The following PTAFR variants were observed in gnomAD, a reference collection of about 807,000 sequenced individuals.
PTAFR encodes platelet activating factor receptor.
A neutral mutation model predicts 14.7 loss-of-function variants in PTAFR; 8 were observed. The observed-to-expected ratio is 0.54, with a 90% CI of 0.32 to 0.98. PTAFR has a LOEUF of 0.98. Among genes scored for constraint, PTAFR ranks in the 50% least tolerant of loss-of-function variants. The pLI, the probability that PTAFR is intolerant of heterozygous loss-of-function variation, is 0.04. For missense variants in PTAFR, 337 were observed against 451.2 expected, an observed-to-expected ratio of 0.75 and a Z score of 2.29; for synonymous variants, 156 against 176.5, an observed-to-expected ratio of 0.88 and a Z score of 0.92.
upstream of PTAFR, among the ~76,000 whole-genome samples, chr1:28,180,669 G>A (rs1395599875): frequency 6.6e-6 from 1 of 152,110 alleles, no homozygotes; most frequent in Non-Finnish European, 1.5e-5. Context: ...AGACATACCT[G>A]AGAAAATCAC....
chr1:28,191,836 C>A (rs376032043), intron 1 of PTAFR, among the ~76,000 whole-genome samples: 2 of 151,136 alleles, frequency 1.3e-5, no homozygotes, highest in Admixed American at 1.3e-4. Context: ...GAAGCCAAGG[C>A]GAGAGGATCG....
intron 1 of PTAFR, among the ~76,000 whole-genome samples, chr1:28,160,678 A>G (rs1328770496): frequency 6.6e-6 from 1 of 151,892 alleles, no homozygotes; most frequent in Non-Finnish European, 1.5e-5. Flanking sequence ...ACTTGGGTCT[A>G]TCTGACTTCA....
At chr1:28,158,458 G>A (rs944450217) in intron 1 of PTAFR, among the ~76,000 whole-genome samples, 3 of 152,194 alleles carry the variant, frequency 2.0e-5, no homozygotes, top group Admixed American at 6.5e-5. Context: ...CCAGCACTTC[G>A]GGAGGCCGAA....
chr1:28,166,495 A>G (rs1366482939), intron 1 of PTAFR, among the ~76,000 whole-genome samples: 1 of 152,078 alleles, frequency 6.6e-6, no homozygotes, highest in African/African-American at 2.4e-5. Flanking sequence ...AACATGGTGA[A>G]ATCCCGTCTC....
At chr1:28,155,101 C>A (rs1180347973) in intron 1 of PTAFR, among the ~76,000 whole-genome samples, 2 of 152,168 alleles carry the variant, frequency 1.3e-5, no homozygotes, top group East Asian at 3.9e-4. Flanking sequence ...AACGGACTTC[C>A]CAGGCGGACC....
chr1:28,192,092 A>AC (rs1219639090), intron 1 of PTAFR, among the ~76,000 whole-genome samples: 30 of 150,800 alleles, frequency 2.0e-4, no homozygotes, highest in African/African-American at 5.7e-4. Context: ...ATAGTAAAAC[A>AC]TTTAAAAAAA....
At chr1:28,178,804 TTCC>T (rs565694088), upstream of PTAFR, among the ~76,000 whole-genome samples, 334 of 152,126 alleles carry the variant, frequency 2.2e-3, 1 homozygote, top group African/African-American at 7.8e-3. Flanking sequence ...GCTCATCTCC[TTCC>T]TCGAGTTCAT....
intron 1 of PTAFR, among the ~76,000 whole-genome samples, chr1:28,188,754 G>A (rs1646626986): frequency 6.6e-6 from 1 of 151,918 alleles, no homozygotes; most frequent in Non-Finnish European, 1.5e-5. Flanking sequence ...ACCAAAAACT[G>A]ATGAAGAGTC....
At chr1:28,164,481 G>A (rs1427619984) in intron 1 of PTAFR, among the ~76,000 whole-genome samples, 3 of 152,110 alleles carry the variant, frequency 2.0e-5, no homozygotes, top group Admixed American at 6.5e-5. Context: ...GGATCATGAG[G>A]CTGGAGCCCC....
chr1:28,188,375 G>A (rs1204289308), intron 1 of PTAFR, among the ~76,000 whole-genome samples: 1 of 152,224 alleles, frequency 6.6e-6, no homozygotes, highest in Non-Finnish European at 1.5e-5. Flanking sequence ...GAGCCCAAGA[G>A]GCAGAGGTTG....
At chr1:28,168,179 G>C (rs1378301806) in intron 1 of PTAFR, among the ~76,000 whole-genome samples, 1 of 144,442 alleles carries the variant, frequency 6.9e-6, no homozygotes, top group African/African-American at 2.6e-5. Flanking sequence ...CACCGTGTTA[G>C]CCAGGATGGT....
chr1:28,165,769 C>G (rs313148), intron 1 of PTAFR, among the ~76,000 whole-genome samples: 34,081 of 151,362 alleles, frequency 0.23, 4,247 homozygotes, highest in African/African-American at 0.33. Flanking sequence ...GGTGACAGAG[C>G]GAGACTCTGT....
At position 28,149,897 on chromosome 1, in the gene PTAFR, C is replaced by G; in HGVS notation, c.*96G>C. 1 of 1,459,144 alleles carries G rather than the reference C, an allele frequency of 6.9e-7. No homozygotes were observed. Among genetic ancestry groups the G allele is most frequent in the Non-Finnish European group, 9.2e-7 (1 of 1,081,368 alleles). The allele number at this position is 1,459,144 out of a possible 1,614,324, so 90.4% of individuals were successfully genotyped here. ...AAATCTAATGGCCCACCAGTGCCCA[C>G]AGAGGTGGTGCCCAGACCACAGTAG... On this transcript the variant is annotated 3_prime_UTR_variant, in exon 2 of 2. Transcript: ENST00000373857.
intron 1 of PTAFR, among the ~76,000 whole-genome samples, chr1:28,188,037 A>G (rs1313215364): frequency 2.0e-5 from 3 of 148,636 alleles, no homozygotes; most frequent in Non-Finnish European, 4.5e-5. Context: ...AATGGCCGGG[A>G]GCAGTGGCTC....
At chr1:28,191,975 C>T (rs917426814) in intron 1 of PTAFR, among the ~76,000 whole-genome samples, 3 of 151,774 alleles carry the variant, frequency 2.0e-5, no homozygotes, top group African/African-American at 4.8e-5. Context: ...GGGACTGAGG[C>T]GGGAGGATCG....
intron 1 of PTAFR, among the ~76,000 whole-genome samples, chr1:28,155,242 G>A (rs1448817224): frequency 5.3e-5 from 8 of 151,966 alleles, no homozygotes; most frequent in Non-Finnish European, 1.0e-4. Context: ...ATGGGGTCTC[G>A]CTCTGTCACC....
chr1:28,154,379 C>A (rs1646238102), intron 1 of PTAFR, among the ~76,000 whole-genome samples: 1 of 152,150 alleles, frequency 6.6e-6, no homozygotes, highest in Non-Finnish European at 1.5e-5. Flanking sequence ...GCACCAACTG[C>A]AGGTAAGGCA....
rs370324658 is a variant in PTAFR at position 28,150,491 on chromosome 1, G to C, written c.531C>G (p.Tyr177Ter). The change falls in exon 2 of 2, where the codon TAC becomes TAG. Residue 177 changes from tyrosine to a stop codon, truncating the protein, a stop_gained. Transcript: ENST00000373857. LOFTEE classifies it high-confidence loss of function. The surrounding 1 kb of genome is among the most constrained non-coding windows in gnomAD (Gnocchi z 6.3). The stretch of plus-strand genomic sequence containing the variant: ...TGAGGACTGGCACGCTGCCCTTCTC[G>C]TAATGCTCAAAGCAGCGAGTGACGT... ...SGNVTRCFEH[Y>*]EKGSVPVLII... 3 of 1,614,232 alleles carry C rather than the reference G, an allele frequency of 1.9e-6. No individual in the cohort carries two copies. Among genetic ancestry groups the C allele is most frequent in the South Asian group, 2.2e-5 (2 of 91,090 alleles).
At position 28,171,258 on chromosome 1, in the gene PTAFR, A is replaced by G. The variant is rs1231434209; in HGVS notation, c.-39+5334T>C. Among the ~76,000 whole-genome samples, 3 of 148,606 alleles carry G rather than the reference A, an allele frequency of 2.0e-5. No individual in the cohort carries two copies. The East Asian group carries it at 6.3e-4, about 31-fold the overall frequency. Reference sequence around the variant, plus strand: ...GAACCACTTGAACCCGGGAGGGGGAAGTTTCAGTGAACTGAGATTGTGCCA... The same window carrying G: ...GAACCACTTGAACCCGGGAGGGGGAGGTTTCAGTGAACTGAGATTGTGCCA... On this transcript the variant is annotated intron_variant, in intron 1 of 1. Transcript: ENST00000373857.
Sources: allele counts gnomAD v4.1 joint callset (sites outside exome capture counted in the v4.1 genomes callset), GRCh38; gene constraint gnomAD v4.1.1; non-coding constraint Gnocchi (gnomAD v3.1); transcripts MANE v1.5; gene names NCBI Gene and HGNC (gene_info 2026-07-23, HGNC 2026-07-21).